Variants in HSD17B12 observed in about 807,000 individuals in gnomAD.
HSD17B12 encodes very-long-chain 3-oxoacyl-CoA reductase.
A neutral mutation model predicts 39.3 loss-of-function variants in HSD17B12; 32 were observed. That is an observed-to-expected ratio of 0.81 (90% confidence interval 0.61 to 1.09). The LOEUF (loss-of-function observed/expected upper bound fraction) is 1.09, where lower values mean the gene tolerates loss of function less well. Ranked by LOEUF, HSD17B12 falls within the 50% of genes least tolerant of loss-of-function variation. The pLI is 0.00. For synonymous variants in HSD17B12, 150 were observed against 146.7 expected (o/e 1.02, Z -0.16); for missense variants, 342 against 382.9 (o/e 0.89, Z 0.89).
intron 1 of HSD17B12, among the ~76,000 whole-genome samples, chr11:43,734,907 A>G (rs1005040699): frequency 1.3e-5 from 2 of 152,210 alleles, no homozygotes; most frequent in African/African-American, 4.8e-5. Context: ...AGGAAACACC[A>G]TACCCACTAA....
intron 4 of HSD17B12, among the ~76,000 whole-genome samples, chr11:43,810,501 G>A (rs1027659357): frequency 6.6e-6 from 1 of 151,896 alleles, no homozygotes; most frequent in Non-Finnish European, 1.5e-5. Context: ...CGAGGAGAGC[G>A]TAGCTAAGCA....
the HSD17B12 span, among the ~76,000 whole-genome samples, chr11:43,653,580 G>T: frequency 6.6e-6 from 1 of 152,018 alleles, no homozygotes; most frequent in South Asian, 2.1e-4. Flanking sequence ...TCCCCGGTGT[G>T]TGATGTTCCT....
the HSD17B12 span, among the ~76,000 whole-genome samples, chr11:43,604,831 G>A: frequency 6.6e-6 from 1 of 152,160 alleles, no homozygotes; most frequent in African/African-American, 2.4e-5. Context: ...TGTCTTAGTA[G>A]TTACTATATA....
At chr11:43,827,066 A>G (rs1951249971) in intron 6 of HSD17B12, among the ~76,000 whole-genome samples, 1 of 152,124 alleles carries the variant, frequency 6.6e-6, no homozygotes, top group African/African-American at 2.4e-5. Flanking sequence ...TATTTATGGT[A>G]AGCAGGTTTC....
chr11:43,636,041 A>T, the HSD17B12 span, among the ~76,000 whole-genome samples: 1 of 152,246 alleles, frequency 6.6e-6, no homozygotes, highest in Non-Finnish European at 1.5e-5. Context: ...TTTGCTGTAC[A>T]CAGGTACATG....
In HSD17B12 at chr11:43,831,121, A is replaced by G; in HGVS notation, c.536+111A>G. The G allele has an allele frequency of 2.0e-6, 2 of 977,562 alleles. No individual in the cohort carries two copies. The highest frequency in any genetic ancestry group is 3.1e-6 in the Non-Finnish European group (2 of 649,438). The allele number at this position is 977,562 out of a possible 1,614,324, so 60.6% of individuals were successfully genotyped here. Reference sequence around the variant, plus strand: ...GAAGTGACTAATGAACCAAGCCTCCATGTCTTAGCCACAGAGTGATGTACC... The same window carrying G: ...GAAGTGACTAATGAACCAAGCCTCCGTGTCTTAGCCACAGAGTGATGTACC... On this transcript the variant is annotated intron_variant, in intron 7 of 10. Coordinates refer to ENST00000278353, the MANE Select transcript of HSD17B12 (RefSeq NM_016142.3). The surrounding 1 kb of genome is among the most constrained non-coding windows in gnomAD (Gnocchi z 4.1).
At chr11:43,684,688 A>G (rs1949781457) in intron 1 of HSD17B12, among the ~76,000 whole-genome samples, 3 of 152,232 alleles carry the variant, frequency 2.0e-5, no homozygotes, top group South Asian at 2.1e-4. Flanking sequence ...ATTTTTTAAA[A>G]CAACTTTAGT....
chr11:43,617,081 G>A, the HSD17B12 span, among the ~76,000 whole-genome samples: 1 of 152,042 alleles, frequency 6.6e-6, no homozygotes, highest in Admixed American at 6.6e-5. Flanking sequence ...CAATTAAAGA[G>A]ATGGACACTC....
chr11:43,579,675 G>T, the HSD17B12 span, among the ~76,000 whole-genome samples: 2 of 152,136 alleles, frequency 1.3e-5, no homozygotes, highest in Non-Finnish European at 2.9e-5. Flanking sequence ...GGCGCGGCGG[G>T]CGCGCAGACG....
chr11:43,712,415 G>T (rs892726925), intron 1 of HSD17B12, among the ~76,000 whole-genome samples: 1 of 152,068 alleles, frequency 6.6e-6, no homozygotes, highest in African/African-American at 2.4e-5. Flanking sequence ...GACAGAGTGA[G>T]ACTCTGTCTC....
At chr11:43,747,286 C>T (rs1950420669) in intron 1 of HSD17B12, among the ~76,000 whole-genome samples, 1 of 152,110 alleles carries the variant, frequency 6.6e-6, no homozygotes, top group East Asian at 1.9e-4. Context: ...GGTAAAGTGC[C>T]ATAGACTTAA....
chr11:43,637,290 G>A, the HSD17B12 span, among the ~76,000 whole-genome samples: 1 of 134,030 alleles, frequency 7.5e-6, no homozygotes, highest in Non-Finnish European at 1.5e-5. Context: ...GCACAATCTT[G>A]GCTCACTGCA....
intron 9 of HSD17B12, among the ~76,000 whole-genome samples, chr11:43,842,166 C>T (rs1951432912): frequency 6.6e-6 from 1 of 152,122 alleles, no homozygotes; most frequent in Non-Finnish European, 1.5e-5. Flanking sequence ...GTGATGGAAC[C>T]AGAAGGTGGT....
chr11:43,742,139 A>ATATATATATATATATTTT (rs61178234), intron 1 of HSD17B12, among the ~76,000 whole-genome samples: 1 of 123,506 alleles, frequency 8.1e-6, no homozygotes, highest in Non-Finnish European at 1.6e-5. Context: ...ATATATATAT[A>ATATATATATATATATTTT]TTTTTTTTTT....
At chr11:43,714,660 G>T (rs1386117400) in intron 1 of HSD17B12, among the ~76,000 whole-genome samples, 2 of 152,204 alleles carry the variant, frequency 1.3e-5, no homozygotes, top group Non-Finnish European at 2.9e-5. Flanking sequence ...ATTCTGTGAA[G>T]AAAGTCATTG....
At chr11:43,706,689 G>GTGTGTGTGT (rs1554961260) in intron 1 of HSD17B12, among the ~76,000 whole-genome samples, 2 of 137,904 alleles carry the variant, frequency 1.5e-5, no homozygotes, top group South Asian at 2.3e-4. Flanking sequence ...TGAATGAAGG[G>GTGTGTGTGT]GTGTGTGTGT....
the HSD17B12 span, among the ~76,000 whole-genome samples, chr11:43,570,564 C>T: frequency 6.6e-6 from 1 of 152,098 alleles, no homozygotes; most frequent in East Asian, 1.9e-4. Flanking sequence ...TCAGATCCAC[C>T]CTGTTAGGCC....
chr11:43,564,898 CTTTTT>C, the HSD17B12 span, among the ~76,000 whole-genome samples: 3 of 140,590 alleles, frequency 2.1e-5, no homozygotes, highest in African/African-American at 2.7e-5. Context: ...CTTTCTTCTT[CTTTTT>C]TTTTTTTTTT....
At chr11:43,832,892 C>T (rs775967475) in intron 7 of HSD17B12, among the ~76,000 whole-genome samples, 9 of 152,088 alleles carry the variant, frequency 5.9e-5, no homozygotes, top group South Asian at 2.1e-4. Context: ...ATTAGCTGGG[C>T]GTGGTGGCAC....
Sources: gnomAD v4.1 joint callset for allele counts (sites outside exome capture counted in the v4.1 genomes callset) on GRCh38, gnomAD v4.1.1 for gene constraint, Gnocchi (gnomAD v3.1) non-coding constraint, MANE v1.5 for transcripts, NCBI Gene and HGNC (gene_info 2026-07-23, HGNC 2026-07-21) for gene names.